KLF8: variants seen among roughly 807,000 people sequenced by gnomAD.
The protein encoded by KLF8 is Krueppel-like factor 8.
KLF8 carries 10 observed loss-of-function variants against 18.2 expected under a neutral mutation model. The observed-to-expected ratio is 0.55, with a 90% CI of 0.34 to 0.93. The LOEUF (loss-of-function observed/expected upper bound fraction) is 0.93, where lower values mean the gene tolerates loss of function less well. Ranked by LOEUF, KLF8 falls within the 40% of genes least tolerant of loss-of-function variation. The pLI, the probability that KLF8 is intolerant of heterozygous loss-of-function variation, is 0.02. For missense variants in KLF8, 264 were observed against 277.9 expected, an observed-to-expected ratio of 0.95 and a Z score of 0.36; for synonymous variants, 109 against 97.3, an observed-to-expected ratio of 1.12 and a Z score of -0.71.
At chrX:56,269,205 T>A (rs1461866452) in intron 3 of KLF8, 173 bp from the exon 4 acceptor site, 51 of 1,006,329 alleles carry the variant, frequency 5.1e-5, no homozygotes, top group Non-Finnish European at 6.1e-5. Context: ...AAAAAAAAAA[T>A]AAAATGTTAT....
At position 56,285,860 on chromosome X, in the gene KLF8, G is replaced by T. The variant is rs1298062541; in HGVS notation, c.*1366G>T. On this transcript the variant is annotated 3_prime_UTR_variant, in exon 6 of 6. Transcript: ENST00000468660. ...CTTTCTGGGGTCAGGGGTAGGGGAG[G>T]GGGCTTTGCATCACTTGAATTTAGA... 2 of 111,154 alleles carry T rather than the reference G, an allele frequency of 1.8e-5. No homozygotes were observed. The highest frequency in any genetic ancestry group is 3.8e-5 in the Non-Finnish European group (2 of 53,022). The allele number at this position is 111,154 out of a possible 1,213,427, so 9.2% of individuals were successfully genotyped here. A position where few individuals can be genotyped will look rare whatever the true frequency, so the allele number is the denominator to read the frequency against.
chrX:56,028,226 T>C, the KLF8 span, among the ~76,000 whole-genome samples: 1 of 112,300 alleles, frequency 8.9e-6, no homozygotes, highest in Admixed American at 9.4e-5. Context: ...TACAAAAGTC[T>C]TGCTGTTGTA....
At chrX:55,968,356 A>T in the KLF8 span, among the ~76,000 whole-genome samples, 1 of 112,203 alleles carries the variant, frequency 8.9e-6, no homozygotes, top group Non-Finnish European at 1.9e-5. Flanking sequence ...CAAGAAATAT[A>T]CTTCTCCTAG....
the KLF8 span, among the ~76,000 whole-genome samples, chrX:56,130,376 T>C: frequency 8.9e-6 from 1 of 111,847 alleles, no homozygotes; most frequent in African/African-American, 3.2e-5. Context: ...GTAGCCCTGC[T>C]GAGTGGCTAG....
At chrX:56,071,998 G>A in the KLF8 span, among the ~76,000 whole-genome samples, 1 of 111,716 alleles carries the variant, frequency 9.0e-6, no homozygotes, top group African/African-American at 3.2e-5. Flanking sequence ...GTCCTTAAGA[G>A]GTATGAAGTT....
chrX:56,153,705 T>C, the KLF8 span, among the ~76,000 whole-genome samples: 1 of 111,420 alleles, frequency 9.0e-6, no homozygotes, highest in South Asian at 3.8e-4. Context: ...CAAAATCTCC[T>C]TAAGCTGATA....
At chrX:56,140,896 G>C in the KLF8 span, among the ~76,000 whole-genome samples, 5 of 110,519 alleles carry the variant, frequency 4.5e-5, no homozygotes, top group African/African-American at 1.6e-4. Flanking sequence ...CCAACACAGG[G>C]TATTATCAAC....
At chrX:56,248,439 C>G (rs2066656896) in intron 1 of KLF8, among the ~76,000 whole-genome samples, 1 of 111,946 alleles carries the variant, frequency 8.9e-6, no homozygotes, top group South Asian at 3.8e-4. Flanking sequence ...CCTCTTTTGG[C>G]AGGTGAAGAA....
the KLF8 span, among the ~76,000 whole-genome samples, chrX:56,039,622 A>G: frequency 1.8e-5 from 2 of 111,535 alleles, no homozygotes; most frequent in Non-Finnish European, 3.8e-5. Context: ...TGCTGTTTTG[A>G]TTACAGTAGC....
the KLF8 span, among the ~76,000 whole-genome samples, chrX:56,081,337 T>A: frequency 8.9e-6 from 1 of 112,283 alleles, no homozygotes; most frequent in African/African-American, 3.2e-5. Flanking sequence ...GTGGATGTCC[T>A]TTCTGTTTGA....
chrX:55,975,860 G>A, the KLF8 span, among the ~76,000 whole-genome samples: 2 of 111,510 alleles, frequency 1.8e-5, no homozygotes, highest in Non-Finnish European at 3.8e-5. Flanking sequence ...CTGTAATCCC[G>A]GCACTTTGGG....
At chrX:56,224,583 C>CAA in the KLF8 span, among the ~76,000 whole-genome samples, 4 of 111,344 alleles carry the variant, frequency 3.6e-5, no homozygotes, top group African/African-American at 1.3e-4. Context: ...GTTTCTGTGG[C>CAA]AAAGTTGAAT....
the KLF8 span, among the ~76,000 whole-genome samples, chrX:56,098,504 CA>C: frequency 1.8e-5 from 2 of 110,985 alleles, no homozygotes; most frequent in Non-Finnish European, 3.8e-5. Flanking sequence ...TCAATGGATG[CA>C]GAAATGACAT....
chrX:56,000,743 T>C, the KLF8 span, among the ~76,000 whole-genome samples: 1 of 111,804 alleles, frequency 8.9e-6, no homozygotes, highest in South Asian at 3.7e-4. Context: ...TTTTTGTGAA[T>C]CTAGCTAGTT....
At chrX:56,269,130 A>G (rs749034841) in intron 3 of KLF8, 2 of 943,126 alleles carry the variant, frequency 2.1e-6, no homozygotes, top group Admixed American at 5.1e-5. Context: ...GATACCACTC[A>G]TAGTGGTATC....
the KLF8 span, among the ~76,000 whole-genome samples, chrX:56,182,532 G>A: frequency 8.9e-6 from 1 of 112,534 alleles, no homozygotes; most frequent in Non-Finnish European, 1.9e-5. Context: ...TTCCTTTGGA[G>A]TAGAAGAGGT....
the KLF8 span, among the ~76,000 whole-genome samples, chrX:56,058,290 A>ACG: frequency 6.6e-5 from 4 of 60,284 alleles, no homozygotes; most frequent in African/African-American, 2.9e-4. Context: ...ATATATATAT[A>ACG]TATATATATA....
chrX:56,008,729 C>T, the KLF8 span, among the ~76,000 whole-genome samples: 1 of 112,197 alleles, frequency 8.9e-6, no homozygotes. Flanking sequence ...CACTGCAGCT[C>T]CAGTCTGCCA....
the KLF8 span, among the ~76,000 whole-genome samples, chrX:56,039,116 G>A: frequency 9.0e-6 from 1 of 111,639 alleles, no homozygotes; most frequent in Non-Finnish European, 1.9e-5. Context: ...TTAGAGTTTT[G>A]TCAGAGGGAT....
Sources: gnomAD v4.1 joint callset for allele counts (sites outside exome capture counted in the v4.1 genomes callset) on GRCh38, gnomAD v4.1.1 for gene constraint, MANE v1.5 for transcripts, NCBI Gene and HGNC (gene_info 2026-07-23, HGNC 2026-07-21) for gene names.